Variants in DNAAF9 observed in about 807,000 individuals in gnomAD.
DNAAF9 encodes the protein dynein axonemal assembly factor 9.
DNAAF9 carries 90 observed loss-of-function variants against 167.0 expected under a neutral mutation model. The ratio of observed to expected loss-of-function variants is 0.54; its 90% confidence interval spans 0.45 to 0.64. The LOEUF is 0.64. Among genes scored for constraint, DNAAF9 ranks in the 30% least tolerant of loss-of-function variants. The pLI, the probability that DNAAF9 is intolerant of heterozygous loss-of-function variation, is 0.00. For missense variants in DNAAF9, 1,315 were observed against 1,442.2 expected, an observed-to-expected ratio of 0.91 and a Z score of 1.43; for synonymous variants, 491 against 508.8, an observed-to-expected ratio of 0.96 and a Z score of 0.47.
At chr20:3,316,226 T>C (rs2069497944) in intron 18 of DNAAF9, 1 of 194,782 alleles carries the variant, frequency 5.1e-6, no homozygotes. Context: ...CTCAGCCCAT[T>C]AGCAGACTAA....
chr20:3,367,230 G>C (rs1450448982), intron 6 of DNAAF9, among the ~76,000 whole-genome samples: 1 of 152,246 alleles, frequency 6.6e-6, no homozygotes. Context: ...TCACATTAAA[G>C]AGAGTTAGGG....
chr20:3,337,607 T>TTTC (rs2069988782), intron 10 of DNAAF9, among the ~76,000 whole-genome samples: 1 of 152,156 alleles, frequency 6.6e-6, no homozygotes, highest in Admixed American at 6.5e-5. Flanking sequence ...ATGACTGTCT[T>TTTC]TTCTCATTGA....
chr20:3,292,198 C>G (rs958317169), intron 25 of DNAAF9, among the ~76,000 whole-genome samples: 1 of 152,066 alleles, frequency 6.6e-6, no homozygotes, highest in Non-Finnish European at 1.5e-5. Context: ...CGCGGTTTCA[C>G]CTTGTTGGTC....
intron 27 of DNAAF9, among the ~76,000 whole-genome samples, chr20:3,286,289 T>G (rs967366): frequency 0.25 from 38,024 of 152,092 alleles, 5,347 homozygotes; most frequent in African/African-American, 0.37. Context: ...ATAAGAGTGG[T>G]CTGGTCACAC....
chr20:3,294,027 G>A, intron 25 of DNAAF9, 112 bp downstream of exon 25: 2 of 698,540 alleles, frequency 2.9e-6, no homozygotes, highest in Admixed American at 2.0e-5. Context: ...GGAGAGTCCT[G>A]TAACAGGGAC....
intron 1 of DNAAF9, among the ~76,000 whole-genome samples, chr20:3,384,637 T>C (rs1326418672): frequency 6.6e-6 from 1 of 150,922 alleles, no homozygotes; most frequent in Non-Finnish European, 1.5e-5. Flanking sequence ...CCCTCCTGAG[T>C]AGCTGGGATT....
At chr20:3,285,219 A>G (rs1444859383) in intron 27 of DNAAF9, among the ~76,000 whole-genome samples, 1 of 152,208 alleles carries the variant, frequency 6.6e-6, no homozygotes, top group Non-Finnish European at 1.5e-5. Context: ...TCTCTGTCCT[A>G]TATTACATGT....
At position 3,298,036 on chromosome 20, in the gene DNAAF9, T is replaced by C; in HGVS notation, c.1922A>G (p.Tyr641Cys). ...AATAATGACTGATATTACCTCTGAG[T>C]AAAATGCTTGGTATATCTTCGATTT... is the stretch of plus-strand genomic sequence containing the variant. ...FPKSKIYQAF[Y>C]SEVFSLWKQQ... The change falls in exon 22 of 37, where the codon TAC becomes TGC. Residue 641 changes from tyrosine (Y) to cysteine (C), a missense_variant. Coordinates refer to ENST00000252032, the MANE Select transcript of DNAAF9 (RefSeq NM_001009984.3). The C allele has an allele frequency of 6.2e-7, 1 of 1,612,768 alleles. No individual in the cohort carries two copies. Among genetic ancestry groups the C allele is most frequent in the East Asian group, 2.2e-5 (1 of 44,880 alleles).
intron 21 of DNAAF9, among the ~76,000 whole-genome samples, chr20:3,304,206 GAA>G (rs2069246302): frequency 6.6e-6 from 1 of 152,162 alleles, no homozygotes; most frequent in Non-Finnish European, 1.5e-5. Context: ...CTTCTGACCA[GAA>G]GCCCTTTCTA....
At chr20:3,363,382 T>C (rs2083389249) in intron 6 of DNAAF9, among the ~76,000 whole-genome samples, 1 of 148,882 alleles carries the variant, frequency 6.7e-6, no homozygotes, top group South Asian at 2.2e-4. Context: ...GATAATCACT[T>C]GAACCCAGGA....
At chr20:3,354,544 A>C (rs1315550340) in intron 7 of DNAAF9, among the ~76,000 whole-genome samples, 2 of 152,240 alleles carry the variant, frequency 1.3e-5, no homozygotes, top group Non-Finnish European at 2.9e-5. Flanking sequence ...AATACCAGTG[A>C]GGGCAAAGCA....
At chr20:3,310,668 G>A (rs2069398821) in intron 20 of DNAAF9, among the ~76,000 whole-genome samples, 2 of 149,400 alleles carry the variant, frequency 1.3e-5, no homozygotes, top group Admixed American at 1.3e-4. Flanking sequence ...CTGGACAACA[G>A]AGTGAGACTT....
chr20:3,342,160 A>T (rs549881596), intron 9 of DNAAF9, among the ~76,000 whole-genome samples: 5 of 152,158 alleles, frequency 3.3e-5, no homozygotes, highest in Admixed American at 3.3e-4. Context: ...GCTCCATAGA[A>T]GGCCACTCAA....
At chr20:3,341,164 T>C (rs1286342947) in intron 9 of DNAAF9, among the ~76,000 whole-genome samples, 1 of 152,030 alleles carries the variant, frequency 6.6e-6, no homozygotes, top group Non-Finnish European at 1.5e-5. Context: ...GCTGAACTTT[T>C]CCTCTCCCCT....
At chr20:3,329,597 G>A (rs989065995) in intron 12 of DNAAF9, among the ~76,000 whole-genome samples, 8 of 152,068 alleles carry the variant, frequency 5.3e-5, no homozygotes, top group Non-Finnish European at 1.2e-4. Context: ...ATACAACTTT[G>A]TGGGCCCTGC....
At chr20:3,373,547 C>T (rs1341302984) in intron 6 of DNAAF9, among the ~76,000 whole-genome samples, 2 of 152,228 alleles carry the variant, frequency 1.3e-5, no homozygotes, top group East Asian at 3.8e-4. Flanking sequence ...CTTTCCATTC[C>T]TCTAGTACAT....
At chr20:3,339,252 G>A (rs917417715) in intron 10 of DNAAF9, among the ~76,000 whole-genome samples, 3 of 152,112 alleles carry the variant, frequency 2.0e-5, no homozygotes, top group African/African-American at 7.2e-5. Flanking sequence ...TTAATAATCT[G>A]TATATTACAA....
At chr20:3,375,662 C>A (rs574868042) in intron 4 of DNAAF9, among the ~76,000 whole-genome samples, 1 of 152,188 alleles carries the variant, frequency 6.6e-6, no homozygotes, top group African/African-American at 2.4e-5. Context: ...GAGTTTGAGA[C>A]CAGTCTGACC....
chr20:3,303,035 G>A (rs1008622478), intron 21 of DNAAF9, among the ~76,000 whole-genome samples: 2 of 152,010 alleles, frequency 1.3e-5, no homozygotes, highest in Admixed American at 6.6e-5. Flanking sequence ...TCAGGAGATC[G>A]AGACTGTCCT....
Sources: gnomAD v4.1 joint callset for allele counts (sites outside exome capture counted in the v4.1 genomes callset) on GRCh38, gnomAD v4.1.1 for gene constraint, MANE v1.5 for transcripts, NCBI Gene and HGNC (gene_info 2026-07-23, HGNC 2026-07-21) for gene names.